The following OTOGL variants were observed in gnomAD, a reference collection of about 807,000 sequenced individuals.
The protein encoded by OTOGL is otogelin like.
In OTOGL, 285 loss-of-function variants were observed where a neutral mutation model predicts 318.5. That is an observed-to-expected ratio of 0.89 (90% CI 0.81 to 0.99). The LOEUF (loss-of-function observed/expected upper bound fraction) is 0.99. Ranked by LOEUF, OTOGL falls within the 50% of genes least tolerant of loss-of-function variation. The pLI is 0.00. For synonymous variants in OTOGL, 987 were observed against 936.5 expected (o/e 1.05, Z -0.99); for missense variants, 2,899 against 2,845.6 (o/e 1.02, Z -0.43).
intron 26 of OTOGL, among the ~76,000 whole-genome samples, chr12:80,285,990 A>AT (rs1298367090): frequency 6.6e-6 from 1 of 152,174 alleles, no homozygotes; most frequent in Non-Finnish European, 1.5e-5. Flanking sequence ...CCCATTCAGT[A>AT]TGATATTGGC....
At position 80,278,293 on chromosome 12, in the gene OTOGL, T is replaced by C. The variant is rs1242910806; in HGVS notation, c.2789+18T>C. 2.0e-6 allele frequency: 3 copies of C among 1,468,508 alleles called. No individual in the cohort carries two copies. Among genetic ancestry groups the C allele is most frequent in the Admixed American group, 2.0e-5 (1 of 49,972 alleles). 91.0% of individuals were successfully genotyped at this position (1,468,508 alleles called of 1,614,324 possible). A position where few individuals can be genotyped will look rare whatever the true frequency, so the allele number is the denominator to read the frequency against. On this transcript the variant is annotated intron_variant, in intron 25 of 58. Coordinates refer to ENST00000547103, the MANE Select transcript of OTOGL (RefSeq NM_001378609.3). ...TACACCTGGTAAGGAGATCCATTTA[T>C]TTCACAAATATTTTCCTAAGTAATT...
chr12:80,370,536 T>A (rs769081064), intron 55 of OTOGL, 34 bp from the exon 56 acceptor site: 3 of 1,431,778 alleles, frequency 2.1e-6, no homozygotes, highest in Non-Finnish European at 2.8e-6. Flanking sequence ...CAGATTTTAA[T>A]ATGCTAAATA....
chr12:80,342,935 G>A (rs1339659012), intron 44 of OTOGL, among the ~76,000 whole-genome samples: 1 of 152,150 alleles, frequency 6.6e-6, no homozygotes, highest in Non-Finnish European at 1.5e-5. Context: ...AGGCTGGAGT[G>A]TAGTGGCACG....
Position 80,217,683 on chromosome 12 carries a change from G to C in OTOGL, c.235+19G>C. ...ATAAAAGGTCAGTGTTTATACTTAGGTTTTCATATTTGCTTTCTCAGAAAA... is the reference window on the plus strand; with the variant it reads ...ATAAAAGGTCAGTGTTTATACTTAGCTTTTCATATTTGCTTTCTCAGAAAA... On this transcript the variant is annotated intron_variant, in intron 5 of 58. Transcript: ENST00000547103. 2 of 1,472,968 alleles carry C rather than the reference G, an allele frequency of 1.4e-6. No individual in the cohort carries two copies. Among genetic ancestry groups the C allele is most frequent in the South Asian group, 1.2e-5 (1 of 81,240 alleles). The allele number at this position is 1,472,968 out of a possible 1,614,324, so 91.2% of individuals were successfully genotyped here.
intron 47 of OTOGL, 27 bp downstream of exon 47, chr12:80,355,975 A>C: frequency 6.3e-7 from 1 of 1,595,072 alleles, no homozygotes; most frequent in Non-Finnish European, 8.6e-7. Flanking sequence ...CTTATAGTCA[A>C]TTGATTCCAC....
intron 1 of OTOGL, among the ~76,000 whole-genome samples, chr12:80,178,448 G>T (rs979244701): frequency 2.0e-5 from 3 of 152,086 alleles, no homozygotes; most frequent in Non-Finnish European, 4.4e-5. Flanking sequence ...ATACTCAAAT[G>T]AATACTCAAG....
intron 1 of OTOGL, among the ~76,000 whole-genome samples, chr12:80,172,264 C>T (rs1874251054): frequency 6.7e-6 from 1 of 149,622 alleles, no homozygotes; most frequent in African/African-American, 2.5e-5. Flanking sequence ...GTGAAGGTTT[C>T]CTAGATCACC....
At chr12:80,128,867 C>G (rs1406354151) in intron 1 of OTOGL, among the ~76,000 whole-genome samples, 1 of 152,176 alleles carries the variant, frequency 6.6e-6, no homozygotes, top group Non-Finnish European at 1.5e-5. Flanking sequence ...TCCTGGTGTG[C>G]CGTTTGCTAA....
At chr12:80,269,646 A>G (rs939621498) in intron 22 of OTOGL, among the ~76,000 whole-genome samples, 1 of 152,170 alleles carries the variant, frequency 6.6e-6, no homozygotes, top group African/African-American at 2.4e-5. Flanking sequence ...TAGGTGTGCC[A>G]TAACCTCCAT....
At chr12:80,167,088 T>C (rs569431164) in intron 1 of OTOGL, among the ~76,000 whole-genome samples, 3 of 152,324 alleles carry the variant, frequency 2.0e-5, no homozygotes, top group Admixed American at 1.3e-4. Context: ...TTTCCCTTGA[T>C]GACTGAGTTT....
intron 29 of OTOGL, among the ~76,000 whole-genome samples, chr12:80,310,022 A>G (rs976721199): frequency 2.4e-4 from 37 of 152,234 alleles, no homozygotes; most frequent in Admixed American, 1.2e-3. Flanking sequence ...AACCCAGCAG[A>G]AAATTGTGTC....
At chr12:80,181,655 T>C (rs1323047839) in intron 1 of OTOGL, among the ~76,000 whole-genome samples, 1 of 151,636 alleles carries the variant, frequency 6.6e-6, no homozygotes, top group Non-Finnish European at 1.5e-5. Flanking sequence ...TGTAAAGTCA[T>C]AGGCAACAGC....
intron 30 of OTOGL, among the ~76,000 whole-genome samples, chr12:80,311,987 A>G (rs12311432): frequency 0.051 from 7,808 of 152,288 alleles, 689 homozygotes; most frequent in African/African-American, 0.18. Context: ...CCAATGCATG[A>G]TGTTACAAAA....
Position 80,314,335 on chromosome 12 carries a change from T to C in OTOGL, c.3634+4T>C. 1 of 1,048,852 alleles carries C rather than the reference T, an allele frequency of 9.5e-7. No individual in the cohort carries two copies. The highest frequency in any genetic ancestry group is 1.3e-6 in the Non-Finnish European group (1 of 786,742). The allele number at this position is 1,048,852 out of a possible 1,614,324, so 65.0% of individuals were successfully genotyped here. ...GATTGTGAATACTACAATGAAGGTA[T>C]GTGACATTCAAATTAAAAATATCAC... On this transcript the variant is annotated splice_donor_region_variant and intron_variant, in intron 32 of 58. Coordinates refer to ENST00000547103, the MANE Select transcript of OTOGL (RefSeq NM_001378609.3).
rs75452335 is a variant in OTOGL at position 80,371,758 on chromosome 12, A to G, written c.6736-261A>G. On this transcript the variant is annotated intron_variant, in intron 56 of 58. Coordinates refer to ENST00000547103, the MANE Select transcript of OTOGL (RefSeq NM_001378609.3). ...TTAGTAAGAATATTTTGTGGCATTT[A>G]AAGTGTCCTTTTAAGTAGAATAATC... Among the ~76,000 whole-genome samples, 331 of 152,252 alleles carry G rather than the reference A, an allele frequency of 2.2e-3. 14 individuals are homozygous for G. In the East Asian group the frequency reaches 0.054, roughly 25 times the overall value.
At chr12:80,182,826 G>A (rs1875020521) in intron 1 of OTOGL, among the ~76,000 whole-genome samples, 2 of 152,206 alleles carry the variant, frequency 1.3e-5, no homozygotes, top group Non-Finnish European at 2.9e-5. Flanking sequence ...GTAGATGTTT[G>A]TACTTTATTG....
intron 35 of OTOGL, among the ~76,000 whole-genome samples, chr12:80,326,190 C>T (rs1887668520): frequency 6.6e-6 from 1 of 152,118 alleles, no homozygotes; most frequent in Non-Finnish European, 1.5e-5. Context: ...GCGACATAAC[C>T]AGCACTCTTG....
intron 1 of OTOGL, chr12:80,189,299 C>A: frequency 2.3e-6 from 1 of 438,866 alleles, no homozygotes; most frequent in Non-Finnish European, 3.0e-6. Flanking sequence ...GTTGAATAAT[C>A]TTTTACTCAA....
chr12:80,184,579 A>G (rs2137247027), intron 1 of OTOGL, among the ~76,000 whole-genome samples: 1 of 152,258 alleles, frequency 6.6e-6, no homozygotes, highest in African/African-American at 2.4e-5. Context: ...GGGAGGAGGA[A>G]GATAATGGCC....
Sources: gnomAD v4.1 joint callset for allele counts (sites outside exome capture counted in the v4.1 genomes callset) on GRCh38, gnomAD v4.1.1 for gene constraint, MANE v1.5 for transcripts, NCBI Gene and HGNC (gene_info 2026-07-23, HGNC 2026-07-21) for gene names.